ARSG: variants seen among roughly 807,000 people sequenced by gnomAD.
ARSG encodes the protein ASG.
ARSG carries 37 observed loss-of-function variants against 50.5 expected under a neutral mutation model. The ratio of observed to expected loss-of-function variants is 0.73; its 90% CI spans 0.56 to 0.96. ARSG has a LOEUF of 0.96. ARSG is among the 50% of genes least tolerant of loss of function. The pLI is 0.00. For missense variants in ARSG, 629 were observed against 675.3 expected, an observed-to-expected ratio of 0.93 and a Z score of 0.76; for synonymous variants, 225 against 254.6, an observed-to-expected ratio of 0.88 and a Z score of 1.11.
At position 68,395,080 on chromosome 17, in the gene ARSG, G is replaced by T. The variant is rs753166188; in HGVS notation, c.1099G>T (p.Asp367Tyr). 1.9e-6 allele frequency: 3 copies of T among 1,614,002 alleles called. No homozygotes were observed. In the South Asian group the frequency reaches 3.3e-5, roughly 18 times the overall value. The change falls in exon 10 of 12, where the codon GAC becomes TAC. Residue 367 changes from aspartate to tyrosine, a missense_variant. By Grantham distance (160) the Asp-to-Tyr change is radical. Coordinates refer to ENST00000621439, the MANE Select transcript of ARSG (RefSeq NM_001267727.2). ...GTCTTGTTATTTCCGCAGCGTGCTGGACATTTTTCCAACTGTGGTAGCCCT... is the reference window on the plus strand; with the variant it reads ...GTCTTGTTATTTCCGCAGCGTGCTGTACATTTTTCCAACTGTGGTAGCCCT... Reference protein sequence around the residue: ...VTSTALLSVLDIFPTVVALAQ... With the variant: ...VTSTALLSVLYIFPTVVALAQ...
chr17:68,350,812 A>G (rs182905597), intron 4 of ARSG, among the ~76,000 whole-genome samples: 5 of 151,870 alleles, frequency 3.3e-5, no homozygotes, highest in African/African-American at 1.2e-4. Context: ...AAAATAAAAT[A>G]AATAAATACA....
chr17:68,376,612 A>C (rs8075528), intron 8 of ARSG, among the ~76,000 whole-genome samples: 1 of 151,782 alleles, frequency 6.6e-6, no homozygotes, highest in African/African-American at 2.4e-5. Context: ...TTTAAAATAT[A>C]TATATTTATT....
chr17:68,344,162 A>G (rs2078401565), intron 3 of ARSG, among the ~76,000 whole-genome samples: 1 of 152,170 alleles, frequency 6.6e-6, no homozygotes, highest in African/African-American at 2.4e-5. Flanking sequence ...AGGCCCCTGA[A>G]CCACGATTTG....
chr17:68,295,045 T>G (rs1350822321), intron 1 of ARSG, among the ~76,000 whole-genome samples: 1 of 152,184 alleles, frequency 6.6e-6, no homozygotes, highest in Non-Finnish European at 1.5e-5. Context: ...GCAAGGGGCT[T>G]AGCACTGGGA....
At chr17:68,263,499 TCTCA>T (rs1308184497) in intron 1 of ARSG, among the ~76,000 whole-genome samples, 1 of 152,242 alleles carries the variant, frequency 6.6e-6, no homozygotes, top group Non-Finnish European at 1.5e-5. Flanking sequence ...TGAGACAGGG[TCTCA>T]CTCTTTGCCA....
At chr17:68,263,027 A>C (rs2075097899) in intron 1 of ARSG, among the ~76,000 whole-genome samples, 1 of 152,200 alleles carries the variant, frequency 6.6e-6, no homozygotes, top group South Asian at 2.1e-4. Context: ...GAGTTGCTGG[A>C]AAGGCATATA....
chr17:68,451,903 C>T, the ARSG span, among the ~76,000 whole-genome samples: 4 of 152,224 alleles, frequency 2.6e-5, no homozygotes, highest in Non-Finnish European at 5.9e-5. Flanking sequence ...GTGTGCCTTT[C>T]TTCCACTTGG....
intron 7 of ARSG, 131 bp downstream of exon 7, chr17:68,368,875 A>G: frequency 9.6e-7 from 1 of 1,046,738 alleles, no homozygotes; most frequent in Non-Finnish European, 1.4e-6. Flanking sequence ...CTTGTGGCCC[A>G]GATAAGGCTT....
At chr17:68,318,253 G>T (rs968632425) in intron 2 of ARSG, among the ~76,000 whole-genome samples, 2 of 152,244 alleles carry the variant, frequency 1.3e-5, no homozygotes, top group African/African-American at 4.8e-5. Flanking sequence ...TCTGAAATTA[G>T]TTAAGATAAC....
At position 68,399,016 on chromosome 17, in the gene ARSG, C is replaced by T. The variant is rs1260995483; in HGVS notation, c.1213-2344C>T. 3.9e-5 allele frequency among the ~76,000 whole-genome samples: 6 copies of T among 152,172 alleles called. No individual in the cohort carries two copies. Among genetic ancestry groups the T allele is most frequent in the South Asian group, 2.1e-4 (1 of 4,824 alleles). ...GTGGTAACATCATCACTGGTCAGGT[C>T]GTGTCTTAGCCCCAGGTTGTCATGA... On this transcript the variant is annotated intron_variant, in intron 10 of 11. Coordinates refer to ENST00000621439, the MANE Select transcript of ARSG (RefSeq NM_001267727.2). This position sits in a 1 kb window ranked among gnomAD's most constrained non-coding sequence, Gnocchi z 4.6.
intron 4 of ARSG, among the ~76,000 whole-genome samples, chr17:68,349,052 A>G (rs2078637312): frequency 6.6e-6 from 1 of 152,214 alleles, no homozygotes; most frequent in Admixed American, 6.5e-5. Context: ...CTGTAATCCC[A>G]GCACTTTGGG....
At chr17:68,434,286 C>T in the ARSG span, among the ~76,000 whole-genome samples, 1 of 152,202 alleles carries the variant, frequency 6.6e-6, no homozygotes, top group Non-Finnish European at 1.5e-5. Context: ...TTGTGACTCC[C>T]TGGCTCTCTC....
chr17:68,421,031 G>A (rs974191766), downstream of ARSG: 14 of 155,514 alleles, frequency 9.0e-5, no homozygotes, highest in Admixed American at 3.7e-4. Flanking sequence ...TCCGGATTCC[G>A]TCTCAGTAGG....
chr17:68,273,007 A>C (rs1555749580), intron 1 of ARSG, among the ~76,000 whole-genome samples: 2 of 151,832 alleles, frequency 1.3e-5, no homozygotes, highest in African/African-American at 4.8e-5. Flanking sequence ...TTATCTTTGC[A>C]ACACTTTTTT....
chr17:68,322,527 G>A (rs923777885), intron 2 of ARSG, among the ~76,000 whole-genome samples: 2 of 152,146 alleles, frequency 1.3e-5, no homozygotes, highest in African/African-American at 4.8e-5. Context: ...TGAGGCAGGA[G>A]AATTGCTTGA....
chr17:68,314,483 G>A (rs184766056), intron 2 of ARSG, among the ~76,000 whole-genome samples: 2 of 148,732 alleles, frequency 1.3e-5, no homozygotes. Context: ...CTGAGATTGC[G>A]CCATTGTACT....
At chr17:68,362,023 T>C (rs1435701113) in intron 6 of ARSG, among the ~76,000 whole-genome samples, 1 of 151,986 alleles carries the variant, frequency 6.6e-6, no homozygotes. Context: ...CAGGGAGTGG[T>C]ATTTTGTTAT....
At chr17:68,370,774 A>G (rs1028561002) in intron 8 of ARSG, among the ~76,000 whole-genome samples, 1 of 152,182 alleles carries the variant, frequency 6.6e-6, no homozygotes, top group Non-Finnish European at 1.5e-5. Flanking sequence ...AAAGGCGACC[A>G]GCCCTCCACC....
At chr17:68,272,649 A>G (rs781891337) in intron 1 of ARSG, 1 of 1,614,092 alleles carries the variant, frequency 6.2e-7, no homozygotes, top group South Asian at 1.1e-5. Flanking sequence ...CTGGTGCGAA[A>G]GCAAACACAG....
Sources: gnomAD v4.1 joint callset for allele counts (sites outside exome capture counted in the v4.1 genomes callset) on GRCh38, gnomAD v4.1.1 for gene constraint, Gnocchi (gnomAD v3.1) non-coding constraint, MANE v1.5 for transcripts, NCBI Gene and HGNC (gene_info 2026-07-23, HGNC 2026-07-21) for gene names.